PTPRO: variants seen among roughly 807,000 people sequenced by gnomAD.
PTPRO encodes receptor-type tyrosine-protein phosphatase O.
PTPRO carries 62 observed loss-of-function variants against 145.2 expected under a neutral mutation model. That is an observed-to-expected ratio of 0.43 (90% CI 0.35 to 0.53). The LOEUF (loss-of-function observed/expected upper bound fraction) is 0.53, where lower values mean the gene tolerates loss of function less well. Among genes scored for constraint, PTPRO ranks in the 20% least tolerant of loss-of-function variants. The pLI, the probability that PTPRO is intolerant of heterozygous loss-of-function variation, is 0.01. For synonymous variants in PTPRO, 565 were observed against 514.7 expected (o/e 1.10, Z -1.32); for missense variants, 1,345 against 1,482.7 (o/e 0.91, Z 1.53).
intron 17 of PTPRO, among the ~76,000 whole-genome samples, chr12:15,563,875 G>T (rs962374395): frequency 6.6e-6 from 1 of 152,178 alleles, no homozygotes; most frequent in Admixed American, 6.6e-5. Context: ...TACCAGAGCT[G>T]TTAGTCATCT....
At chr12:15,341,564 CA>C (rs1866986249) in intron 1 of PTPRO, among the ~76,000 whole-genome samples, 1 of 152,200 alleles carries the variant, frequency 6.6e-6, no homozygotes, top group Admixed American at 6.5e-5. Context: ...ATTTAGCTCT[CA>C]ATCTGTTTCA....
intron 18 of PTPRO, among the ~76,000 whole-genome samples, chr12:15,568,031 C>T (rs1447819585): frequency 6.6e-6 from 1 of 152,126 alleles, no homozygotes; most frequent in East Asian, 1.9e-4. Flanking sequence ...ATATAACGCC[C>T]TCTAAAATTT....
chr12:15,433,434 T>C (rs1371234503), intron 1 of PTPRO, among the ~76,000 whole-genome samples: 2 of 152,158 alleles, frequency 1.3e-5, no homozygotes, highest in Non-Finnish European at 2.9e-5. Context: ...CCGCCCGCCT[T>C]GGCCTCCCAA....
chr12:15,498,842 T>G (rs1591655361), intron 3 of PTPRO, among the ~76,000 whole-genome samples: 2 of 152,194 alleles, frequency 1.3e-5, no homozygotes, highest in East Asian at 3.8e-4. Flanking sequence ...TCAAACTATT[T>G]TTAGATTTCA....
At chr12:15,474,058 C>A (rs1941600994) in intron 1 of PTPRO, among the ~76,000 whole-genome samples, 1 of 152,132 alleles carries the variant, frequency 6.6e-6, no homozygotes, top group Admixed American at 6.5e-5. Context: ...TGCTCTTAAG[C>A]AAGTTATTTA....
At chr12:15,556,907 T>C (rs2135576041) in intron 15 of PTPRO, among the ~76,000 whole-genome samples, 1 of 152,368 alleles carries the variant, frequency 6.6e-6, no homozygotes, top group East Asian at 1.9e-4. Flanking sequence ...TGAAGTGAAT[T>C]CTTTTGGCCT....
In PTPRO at chr12:15,581,756, G is replaced by A. The variant is rs938448281; in HGVS notation, c.3210G>A (p.Glu1070=). 2 of 1,613,954 alleles carry A rather than the reference G, an allele frequency of 1.2e-6. No homozygotes were observed. Among genetic ancestry groups the A allele is most frequent in the African/African-American group, 2.7e-5 (2 of 74,930 alleles). The change falls in exon 23 of 27, where the codon GAG becomes GAA. Residue 1070 remains glutamate, a synonymous_variant. Coordinates refer to ENST00000281171, the MANE Select transcript of PTPRO (RefSeq NM_030667.3). ...ACATCACTGTGGAGATGATTTCAGA[G>A]GAAGAGCAGGACGACTGGGCCTGTA... ...YGDITVEMIS[E]EEQDDWACRH... is the part of the protein sequence containing the mutation.
chr12:15,461,722 C>A (rs1348295437), intron 1 of PTPRO, among the ~76,000 whole-genome samples: 2 of 151,878 alleles, frequency 1.3e-5, no homozygotes, highest in Non-Finnish European at 2.9e-5. Context: ...TGTGCGCCAC[C>A]ACATCTGGCT....
intron 1 of PTPRO, among the ~76,000 whole-genome samples, chr12:15,408,509 A>G (rs999751135): frequency 6.6e-6 from 1 of 151,630 alleles, no homozygotes; most frequent in African/African-American, 2.4e-5. Flanking sequence ...CTCACTGCAA[A>G]CTCCGCCTCC....
chr12:15,504,501 G>A (rs1942282272), intron 6 of PTPRO, among the ~76,000 whole-genome samples: 2 of 152,144 alleles, frequency 1.3e-5, no homozygotes, highest in African/African-American at 2.4e-5. Context: ...GGTACACCCC[G>A]ATGGTCTCAA....
chr12:15,445,407 G>T (rs796137100), intron 1 of PTPRO, among the ~76,000 whole-genome samples: 1 of 152,146 alleles, frequency 6.6e-6, no homozygotes, highest in South Asian at 2.1e-4. Flanking sequence ...GGCTGGATAG[G>T]CACCTCTGTA....
At chr12:15,595,785 C>G (rs985647608) in intron 26 of PTPRO, 1 of 153,202 alleles carries the variant, frequency 6.5e-6, no homozygotes, top group African/African-American at 2.4e-5. Context: ...TCATGAAAGT[C>G]TGGGAAGCAT....
chr12:15,424,812 G>C (rs1250579513), intron 1 of PTPRO, among the ~76,000 whole-genome samples: 1 of 152,036 alleles, frequency 6.6e-6, no homozygotes, highest in East Asian at 1.9e-4. Context: ...TTTAAGGACT[G>C]ATTGACAGGT....
intron 1 of PTPRO, among the ~76,000 whole-genome samples, chr12:15,443,312 C>T (rs925841087): frequency 6.6e-6 from 1 of 152,002 alleles, no homozygotes; most frequent in Non-Finnish European, 1.5e-5. Context: ...GAAACTGGAT[C>T]CCATATACTA....
chr12:15,504,732 T>C (rs895840242), intron 6 of PTPRO, among the ~76,000 whole-genome samples: 4 of 152,224 alleles, frequency 2.6e-5, no homozygotes, highest in South Asian at 2.1e-4. Context: ...AGGAGTTATA[T>C]GTGCCTCCGA....
chr12:15,421,533 G>A (rs751580607), intron 1 of PTPRO, among the ~76,000 whole-genome samples: 14 of 152,206 alleles, frequency 9.2e-5, no homozygotes, highest in African/African-American at 1.4e-4. Context: ...TGTGATCCTA[G>A]AGAGGTGTCT....
chr12:15,484,872 AT>A (rs897925952), intron 2 of PTPRO, among the ~76,000 whole-genome samples: 1 of 151,852 alleles, frequency 6.6e-6, no homozygotes, highest in African/African-American at 2.4e-5. Flanking sequence ...ACTCCATGTG[AT>A]TTTTTTTCAC....
chr12:15,497,191 G>A (rs528278152), intron 2 of PTPRO, 54 bp from the exon 3 acceptor site: 173 of 1,460,030 alleles, frequency 1.2e-4, no homozygotes, highest in Non-Finnish European at 1.5e-4. Context: ...TATTGATATC[G>A]GCCTTTCTCT....
At chr12:15,420,273 T>C (rs1940108135) in intron 1 of PTPRO, among the ~76,000 whole-genome samples, 1 of 151,664 alleles carries the variant, frequency 6.6e-6, no homozygotes. Context: ...AGAGCCCTAA[T>C]TCCTTAGCAT....
Sources: allele counts gnomAD v4.1 joint callset (sites outside exome capture counted in the v4.1 genomes callset), GRCh38; gene constraint gnomAD v4.1.1; transcripts MANE v1.5; gene names NCBI Gene and HGNC (gene_info 2026-07-23, HGNC 2026-07-21).